NXPH1: variants seen among roughly 807,000 people sequenced by gnomAD.
The protein encoded by NXPH1 is neurexophilin 1, also known as neurexophilin-1.
Under a neutral mutation model 23.7 loss-of-function variants are expected in NXPH1, and 5 were observed. The ratio of observed to expected loss-of-function variants is 0.21; its 90% CI spans 0.11 to 0.44. The LOEUF (loss-of-function observed/expected upper bound fraction) is 0.44. Ranked by LOEUF, NXPH1 falls within the 20% of genes least tolerant of loss-of-function variation. The pLI is 0.99. For synonymous variants in NXPH1, 144 were observed against 122.2 expected, an observed-to-expected ratio of 1.18 and a Z score of -1.18; for missense variants, 324 against 321.6, an observed-to-expected ratio of 1.01 and a Z score of -0.06.
intron 2 of NXPH1, among the ~76,000 whole-genome samples, chr7:8,496,795 T>C (rs1404339423): frequency 1.3e-5 from 2 of 152,106 alleles, no homozygotes. Context: ...CCTTTTCTTA[T>C]GCTCAGATAT....
At chr7:8,668,058 T>TTGTTTTAATC (rs1264449729) in intron 2 of NXPH1, among the ~76,000 whole-genome samples, 1 of 53,364 alleles carries the variant, frequency 1.9e-5, no homozygotes, top group Non-Finnish European at 4.0e-5. Flanking sequence ...TAGAAAAAAA[T>TTGTTTTAATC]TATTTTAAAT....
At chr7:8,537,509 A>G (rs1356453522) in intron 2 of NXPH1, among the ~76,000 whole-genome samples, 2 of 151,878 alleles carry the variant, frequency 1.3e-5, no homozygotes, top group Admixed American at 1.3e-4. Context: ...CTCAGATCTC[A>G]TGAAAACTCA....
chr7:8,527,768 T>A (rs1273668350), intron 2 of NXPH1, among the ~76,000 whole-genome samples: 2 of 152,144 alleles, frequency 1.3e-5, no homozygotes, highest in Non-Finnish European at 2.9e-5. Flanking sequence ...TTGACAGACA[T>A]TTTCCTCTCC....
chr7:8,729,130 G>A (rs972280463), intron 2 of NXPH1, among the ~76,000 whole-genome samples: 2 of 152,132 alleles, frequency 1.3e-5, no homozygotes, highest in African/African-American at 2.4e-5. Context: ...TTTGCATAGA[G>A]GTGTTTATAG....
intron 2 of NXPH1, among the ~76,000 whole-genome samples, chr7:8,520,889 G>T (rs1563334458): frequency 6.6e-6 from 1 of 152,264 alleles, no homozygotes; most frequent in Middle Eastern, 3.4e-3. Flanking sequence ...AAGCAGTGAA[G>T]GGGGACATTT....
At chr7:8,622,056 A>G (rs1342681914) in intron 2 of NXPH1, among the ~76,000 whole-genome samples, 1 of 152,162 alleles carries the variant, frequency 6.6e-6, no homozygotes, top group African/African-American at 2.4e-5. Context: ...CAAGTTTAAT[A>G]TTCGGAGTTA....
intron 2 of NXPH1, among the ~76,000 whole-genome samples, chr7:8,612,241 C>A (rs567808240): frequency 2.4e-3 from 355 of 150,696 alleles, no homozygotes; most frequent in Non-Finnish European, 4.1e-3. Context: ...ACATTCTCCC[C>A]TTCCTTTCTT....
intron 2 of NXPH1, among the ~76,000 whole-genome samples, chr7:8,543,940 G>T (rs975969893): frequency 2.0e-5 from 3 of 151,438 alleles, no homozygotes; most frequent in African/African-American, 7.3e-5. Flanking sequence ...AATTTAGCTC[G>T]GTTCTCTCTT....
At chr7:8,532,771 T>C (rs1817968754) in intron 2 of NXPH1, among the ~76,000 whole-genome samples, 1 of 152,152 alleles carries the variant, frequency 6.6e-6, no homozygotes, top group Admixed American at 6.5e-5. Context: ...AAACATTCTA[T>C]GGCCTTGGGC....
At chr7:8,693,723 C>A (rs1261759613) in intron 2 of NXPH1, among the ~76,000 whole-genome samples, 1 of 152,136 alleles carries the variant, frequency 6.6e-6, no homozygotes, top group Non-Finnish European at 1.5e-5. Context: ...TACTGTTCAT[C>A]TTCCATTACA....
chr7:8,592,966 TC>T (rs2128625650), intron 2 of NXPH1, among the ~76,000 whole-genome samples: 1 of 151,986 alleles, frequency 6.6e-6, no homozygotes, highest in South Asian at 2.1e-4. Flanking sequence ...CTCCTCATTG[TC>T]CCCGTTTTAC....
At chr7:8,579,964 C>T (rs988389635) in intron 2 of NXPH1, among the ~76,000 whole-genome samples, 3 of 152,090 alleles carry the variant, frequency 2.0e-5, no homozygotes, top group Non-Finnish European at 2.9e-5. Context: ...ACATAAAAAA[C>T]GGTTGATGTA....
chr7:8,743,170 GC>G (rs1407417138), intron 2 of NXPH1, among the ~76,000 whole-genome samples: 1 of 151,916 alleles, frequency 6.6e-6, no homozygotes, highest in Non-Finnish European at 1.5e-5. Context: ...GAGCAATGTT[GC>G]TTGAGCAATA....
chr7:8,702,823 G>A (rs1361357416), intron 2 of NXPH1, among the ~76,000 whole-genome samples: 2 of 152,068 alleles, frequency 1.3e-5, no homozygotes, highest in East Asian at 1.9e-4. Flanking sequence ...TGTGATAAGA[G>A]TAAAACTTAG....
chr7:8,583,412 TG>T (rs1818920878), intron 2 of NXPH1, among the ~76,000 whole-genome samples: 1 of 152,240 alleles, frequency 6.6e-6, no homozygotes, highest in Admixed American at 6.5e-5. Context: ...ATAGGTAAAA[TG>T]TGGATAATAA....
At chr7:8,470,220 C>T (rs116110357) in intron 2 of NXPH1, among the ~76,000 whole-genome samples, 288 of 150,046 alleles carry the variant, frequency 1.9e-3, no homozygotes, top group African/African-American at 6.7e-3. Context: ...GTACTTTTAT[C>T]GCTGGATAGA....
chr7:8,573,048 GAT>G (rs1460236368), intron 2 of NXPH1, among the ~76,000 whole-genome samples: 2 of 150,926 alleles, frequency 1.3e-5, no homozygotes, highest in African/African-American at 4.9e-5. Context: ...TAGAAATACT[GAT>G]ATTGTTTTGA....
intron 2 of NXPH1, among the ~76,000 whole-genome samples, chr7:8,672,066 G>C (rs1279696086): frequency 6.6e-6 from 1 of 151,978 alleles, no homozygotes; most frequent in Non-Finnish European, 1.5e-5. Context: ...TCGCTCTGAT[G>C]GTAGTTTCTT....
At chr7:8,662,630 A>G (rs910636249) in intron 2 of NXPH1, among the ~76,000 whole-genome samples, 1 of 152,020 alleles carries the variant, frequency 6.6e-6, no homozygotes, top group Non-Finnish European at 1.5e-5. Flanking sequence ...TTGTTATTGC[A>G]TTACCTTTAT....
Sources: allele counts gnomAD v4.1 joint callset (sites outside exome capture counted in the v4.1 genomes callset), GRCh38; gene constraint gnomAD v4.1.1; transcripts MANE v1.5; gene names NCBI Gene and HGNC (gene_info 2026-07-23, HGNC 2026-07-21).